Variants in ELAPOR1 observed in about 807,000 individuals in gnomAD.
ELAPOR1 encodes endosome-lysosome associated apoptosis and autophagy regulator 1, also known as endosome/lysosome-associated apoptosis and autophagy regulator 1.
Under a neutral mutation model 119.7 loss-of-function variants are expected in ELAPOR1, and 77 were observed. The observed-to-expected ratio is 0.64, with a 90% CI of 0.54 to 0.78. The LOEUF is 0.78. Among genes scored for constraint, ELAPOR1 ranks in the 30% least tolerant of loss-of-function variants. ELAPOR1 has a pLI of 0.00. For missense variants in ELAPOR1, 1,115 were observed against 1,270.4 expected (o/e 0.88, Z 1.86); for synonymous variants, 481 against 487.2 (o/e 0.99, Z 0.17).
At chr1:109,160,930 T>G (rs193059616) in intron 1 of ELAPOR1, among the ~76,000 whole-genome samples, 5 of 152,370 alleles carry the variant, frequency 3.3e-5, no homozygotes, top group Admixed American at 1.3e-4. Context: ...TTGATTTGGT[T>G]GTTTTGTTGT....
intron 3 of ELAPOR1, among the ~76,000 whole-genome samples, chr1:109,167,953 T>C (rs1213575860): frequency 6.6e-6 from 1 of 152,072 alleles, no homozygotes; most frequent in African/African-American, 2.4e-5. Flanking sequence ...CTCAAAACCC[T>C]AGATTCAATG....
intron 1 of ELAPOR1, among the ~76,000 whole-genome samples, chr1:109,155,839 G>A (rs1035761421): frequency 6.6e-6 from 1 of 152,128 alleles, no homozygotes; most frequent in African/African-American, 2.4e-5. Context: ...CCAATCATTT[G>A]GATGGTGATT....
chr1:109,116,244 T>C (rs535581006), intron 1 of ELAPOR1, among the ~76,000 whole-genome samples: 1 of 152,364 alleles, frequency 6.6e-6, no homozygotes, highest in East Asian at 1.9e-4. Flanking sequence ...TGGAAAGCTA[T>C]GGAGCTCAAC....
At position 109,134,268 on chromosome 1, in the gene ELAPOR1, T is replaced by C. The variant is rs558434656; in HGVS notation, c.153+19932T>C. Among the ~76,000 whole-genome samples, 248 of 152,274 alleles carry C rather than the reference T, an allele frequency of 1.6e-3. 1 individual carries two copies. The highest frequency in any genetic ancestry group is 5.8e-3 in the African/African-American group (240 of 41,558). Reference sequence around the variant, plus strand: ...ATATCACAGTTTCCCGGAGGAAACATTGAAGGCGACTCAATGGCACTGCTT... The same window carrying C: ...ATATCACAGTTTCCCGGAGGAAACACTGAAGGCGACTCAATGGCACTGCTT... On this transcript the variant is annotated intron_variant, in intron 1 of 21. Coordinates refer to ENST00000369939, the MANE Select transcript of ELAPOR1 (RefSeq NM_020775.5).
intron 8 of ELAPOR1, chr1:109,187,814 G>A: frequency 2.1e-6 from 2 of 951,364 alleles, no homozygotes; most frequent in South Asian, 4.9e-5. Flanking sequence ...GCCTTTCTGT[G>A]TTCTGGGATT....
intron 1 of ELAPOR1, among the ~76,000 whole-genome samples, chr1:109,133,693 GA>G (rs1211909479): frequency 1.6e-4 from 25 of 152,130 alleles, no homozygotes; most frequent in African/African-American, 6.0e-4. Flanking sequence ...TCTCAAATTG[GA>G]ATAGCAGGGG....
In ELAPOR1 at chr1:109,199,699, C is replaced by T. The variant is rs953774556; in HGVS notation, c.2502-155C>T. 2.6e-5 allele frequency among the ~76,000 whole-genome samples: 4 copies of T among 152,308 alleles called. No individual in the cohort carries two copies. In the South Asian group the frequency reaches 6.2e-4, roughly 24 times the overall value. On this transcript the variant is annotated intron_variant, in intron 18 of 21. Transcript: ENST00000369939. Reference sequence around the variant, plus strand: ...TTATCAGTGAAATCAGAGATCAAAACCTGTGTTAAGGACTAGTTGGAAGGA... The same window carrying T: ...TTATCAGTGAAATCAGAGATCAAAATCTGTGTTAAGGACTAGTTGGAAGGA...
chr1:109,178,904 GC>G (rs1196111900), intron 7 of ELAPOR1, among the ~76,000 whole-genome samples: 8 of 151,396 alleles, frequency 5.3e-5, no homozygotes, highest in African/African-American at 2.0e-4. Flanking sequence ...GGTGGAGGCT[GC>G]AGTGAACCAA....
At chr1:109,138,778 G>T (rs1421190586) in intron 1 of ELAPOR1, among the ~76,000 whole-genome samples, 1 of 137,906 alleles carries the variant, frequency 7.3e-6, no homozygotes, top group Non-Finnish European at 1.5e-5. Context: ...TGGTTGCGGT[G>T]AGCCGAGATC....
intron 1 of ELAPOR1, among the ~76,000 whole-genome samples, chr1:109,130,446 TAG>T (rs1370832152): frequency 6.6e-6 from 1 of 152,004 alleles, no homozygotes; most frequent in African/African-American, 2.4e-5. Context: ...TAAAAATATA[TAG>T]AGTCTCTCAG....
Position 109,138,291 on chromosome 1 carries a change from A to G in ELAPOR1, c.154-23603A>G, listed in dbSNP as rs150102614. On this transcript the variant is annotated intron_variant, in intron 1 of 21. Transcript: ENST00000369939. ...GAATCTCAATTGGTGACACTTGGTGATGGCTGAGGGTGCGTTTTTGTCCCA... is the reference window on the plus strand; with the variant it reads ...GAATCTCAATTGGTGACACTTGGTGGTGGCTGAGGGTGCGTTTTTGTCCCA... Among the ~76,000 whole-genome samples, 491 of 152,260 alleles carry G rather than the reference A, an allele frequency of 3.2e-3. 3 individuals carry two copies. Among genetic ancestry groups the G allele is most frequent in the African/African-American group, 0.011 (461 of 41,538 alleles).
chr1:109,144,271 C>T (rs1017362499), intron 1 of ELAPOR1, among the ~76,000 whole-genome samples: 5 of 150,370 alleles, frequency 3.3e-5, no homozygotes, highest in African/African-American at 4.9e-5. Flanking sequence ...AGGCTGGTCT[C>T]GAACTCCCAA....
chr1:109,128,750 T>C (rs1345692276), intron 1 of ELAPOR1, among the ~76,000 whole-genome samples: 1 of 152,252 alleles, frequency 6.6e-6, no homozygotes, highest in Non-Finnish European at 1.5e-5. Flanking sequence ...GTTACCTCCC[T>C]TTCTAGATTT....
At position 109,191,797 on chromosome 1, in the gene ELAPOR1, C is replaced by T. The variant is rs370608592; in HGVS notation, c.1617C>T (p.Tyr539=). The T allele has an allele frequency of 6.2e-7, 1 of 1,614,212 alleles. No individual in the cohort carries two copies. ...KGSKGKQSYT[Y]IIEENTTTSF... is the part of the protein sequence containing the mutation. ...CCAAAGGCAAACAGTCCTATACCTA[C>T]ATCATTGAGGAGAACACTACCACGA... Residue 539 remains tyrosine (Y), a synonymous_variant, in exon 13 of 22, where the codon TAC becomes TAT. Transcript: ENST00000369939.
intron 1 of ELAPOR1, among the ~76,000 whole-genome samples, chr1:109,116,113 A>G (rs1647978732): frequency 6.6e-6 from 1 of 152,254 alleles, no homozygotes; most frequent in Non-Finnish European, 1.5e-5. Context: ...GTTTGGAGGA[A>G]GGGAAGAATA....
chr1:109,171,776 A>G, intron 3 of ELAPOR1, 90 bp from the exon 4 acceptor site: 5 of 1,367,406 alleles, frequency 3.7e-6, no homozygotes, highest in Non-Finnish European at 5.0e-6. Flanking sequence ...GAAAATTCCC[A>G]AAGACCCAGC....
At chr1:109,149,863 TC>T (rs751457703) in intron 1 of ELAPOR1, among the ~76,000 whole-genome samples, 75 of 152,262 alleles carry the variant, frequency 4.9e-4, no homozygotes, top group Non-Finnish European at 7.6e-4. Flanking sequence ...ATTGCTATTG[TC>T]AACAGGGAGC....
chr1:109,140,092 A>G (rs1386515744), intron 1 of ELAPOR1, among the ~76,000 whole-genome samples: 3 of 135,158 alleles, frequency 2.2e-5, no homozygotes, highest in African/African-American at 9.0e-5. Context: ...ATTTTGTAGT[A>G]TATATCATTT....
rs768186297 is a variant in ELAPOR1, at chr1:109,173,696, T to G, written c.811T>G (p.Tyr271Asp). ...CTCTTCCTCCTCCCTAGGGGTGGCC[T>G]ACACTTCAGAATGCTTCCCCTGCAA... Reference protein sequence around the residue: ...VRNIAITGVAYTSECFPCKPG... With the variant: ...VRNIAITGVADTSECFPCKPG... The change falls in exon 7 of 22, where the codon TAC becomes GAC. Residue 271 changes from tyrosine to aspartate, a missense_variant. By Grantham distance (160) the Tyr-to-Asp change is radical. Coordinates refer to ENST00000369939, the MANE Select transcript of ELAPOR1 (RefSeq NM_020775.5). The G allele has an allele frequency of 2.4e-5, 38 of 1,614,036 alleles. No homozygotes were observed. Among genetic ancestry groups the G allele is most frequent in the Non-Finnish European group, 2.3e-5 (27 of 1,180,022 alleles).
Sources: allele counts gnomAD v4.1 joint callset (sites outside exome capture counted in the v4.1 genomes callset), GRCh38; gene constraint gnomAD v4.1.1; transcripts MANE v1.5; gene names NCBI Gene and HGNC (gene_info 2026-07-23, HGNC 2026-07-21).